Variants in VWC2L observed in about 807,000 individuals in gnomAD.
VWC2L encodes von Willebrand factor C domain containing 2 like, also known as von Willebrand factor C domain-containing protein 2-like.
A neutral mutation model predicts 21.6 loss-of-function variants in VWC2L; 10 were observed. That is an observed-to-expected ratio of 0.46 (90% CI 0.29 to 0.78). The LOEUF (loss-of-function observed/expected upper bound fraction) is 0.78, where lower values mean the gene tolerates loss of function less well. VWC2L is among the 30% of genes least tolerant of loss of function. VWC2L has a pLI of 0.10. For synonymous variants in VWC2L, 96 were observed against 94.3 expected (o/e 1.02, Z -0.10); for missense variants, 209 against 277.1 (o/e 0.75, Z 1.74).
chr2:214,419,369 C>G (rs941576354), intron 2 of VWC2L, among the ~76,000 whole-genome samples: 21 of 152,130 alleles, frequency 1.4e-4, no homozygotes, highest in African/African-American at 5.1e-4. Flanking sequence ...GCTTAACTAT[C>G]TTAATGCTGA....
intron 2 of VWC2L, among the ~76,000 whole-genome samples, chr2:214,418,221 C>T (rs79706791): frequency 0.054 from 8,185 of 152,236 alleles, 671 homozygotes; most frequent in African/African-American, 0.18. Flanking sequence ...ACCATCACTA[C>T]AAGAACAGTA....
intron 1 of VWC2L, among the ~76,000 whole-genome samples, chr2:214,412,229 G>A (rs1382584171): frequency 6.6e-6 from 1 of 152,018 alleles, no homozygotes; most frequent in Non-Finnish European, 1.5e-5. Context: ...GGCTTACAAA[G>A]AGATCATTTT....
chr2:214,412,457 T>C (rs756723331), intron 1 of VWC2L, among the ~76,000 whole-genome samples: 5 of 152,248 alleles, frequency 3.3e-5, no homozygotes, highest in Middle Eastern at 3.4e-3. Context: ...ATCTCTGTAG[T>C]AATTTGAGAG....
chr2:214,434,261 T>A (rs866064546), intron 2 of VWC2L, among the ~76,000 whole-genome samples: 1 of 152,206 alleles, frequency 6.6e-6, no homozygotes, highest in Non-Finnish European at 1.5e-5. Context: ...TGGATTATTA[T>A]CTGTTAACAC....
At position 214,471,376 on chromosome 2, in the gene VWC2L, G is replaced by A. The variant is rs1198545382; in HGVS notation, c.520+34618G>A. On this transcript the variant is annotated intron_variant, in intron 3 of 3. Coordinates refer to ENST00000312504, the MANE Select transcript of VWC2L (RefSeq NM_001080500.4). ...TCAATCAATGGACCAAGGCAGAATG[G>A]ATAAAGTACAACTGTTTTATGCACT... Among the ~76,000 whole-genome samples the A allele has an allele frequency of 3.3e-5, 5 of 152,292 alleles. No homozygotes were observed. The East Asian group carries it at 9.6e-4, about 29-fold the overall frequency.
intron 3 of VWC2L, among the ~76,000 whole-genome samples, chr2:214,458,515 A>G (rs981385195): frequency 6.6e-6 from 1 of 151,896 alleles, no homozygotes; most frequent in Non-Finnish European, 1.5e-5. Context: ...CTTAAGGGGC[A>G]TCATTAGGTT....
chr2:214,442,155 C>T (rs1317604826), intron 3 of VWC2L, among the ~76,000 whole-genome samples: 1 of 152,138 alleles, frequency 6.6e-6, no homozygotes, highest in Non-Finnish European at 1.5e-5. Flanking sequence ...TGTGATCCGC[C>T]TGCCTCGGCC....
At chr2:214,421,447 A>G (rs1457352477) in intron 2 of VWC2L, among the ~76,000 whole-genome samples, 1 of 151,352 alleles carries the variant, frequency 6.6e-6, no homozygotes, top group Admixed American at 6.6e-5. Flanking sequence ...TTTCATACTC[A>G]CTTACCAATA....
chr2:214,569,323 A>T (rs1449994150), intron 3 of VWC2L, among the ~76,000 whole-genome samples: 1 of 151,608 alleles, frequency 6.6e-6, no homozygotes, highest in Non-Finnish European at 1.5e-5. Flanking sequence ...TTTCATGGTA[A>T]CACACACACA....
chr2:214,430,205 G>T (rs1702579236), intron 2 of VWC2L, among the ~76,000 whole-genome samples: 1 of 97,512 alleles, frequency 1.0e-5, no homozygotes, highest in Admixed American at 1.1e-4. Flanking sequence ...GCAATTTCAA[G>T]AATGAGCAAA....
intron 3 of VWC2L, among the ~76,000 whole-genome samples, chr2:214,564,762 T>TA (rs1418749639): frequency 6.6e-6 from 1 of 152,188 alleles, no homozygotes; most frequent in African/African-American, 2.4e-5. Flanking sequence ...TGCATGCCAA[T>TA]ATCAGAATTT....
intron 3 of VWC2L, among the ~76,000 whole-genome samples, chr2:214,502,542 C>A (rs1294216764): frequency 6.6e-6 from 1 of 152,014 alleles, no homozygotes; most frequent in African/African-American, 2.4e-5. Context: ...TGCACTCCAG[C>A]CTGGGCAACA....
At chr2:214,559,248 C>A (rs1299789560) in intron 3 of VWC2L, among the ~76,000 whole-genome samples, 3 of 152,142 alleles carry the variant, frequency 2.0e-5, no homozygotes, top group Non-Finnish European at 2.9e-5. Flanking sequence ...TGCTCATCAT[C>A]ACTGGCCATC....
intron 3 of VWC2L, chr2:214,534,234 T>A (rs1443691392): frequency 6.6e-6 from 1 of 152,554 alleles, no homozygotes; most frequent in East Asian, 1.9e-4. Flanking sequence ...CGTTGTCGCA[T>A]CCTAATGCCA....
intron 3 of VWC2L, among the ~76,000 whole-genome samples, chr2:214,442,348 A>T (rs1340185187): frequency 6.6e-6 from 1 of 152,256 alleles, no homozygotes; most frequent in Admixed American, 6.5e-5. Context: ...TCTTTAAAAC[A>T]TTAAATATTT....
chr2:214,472,600 A>G (rs1414788575), intron 3 of VWC2L, among the ~76,000 whole-genome samples: 8 of 152,342 alleles, frequency 5.3e-5, no homozygotes, highest in African/African-American at 1.7e-4. Context: ...AGAAATCTTG[A>G]TACAGAGCAT....
chr2:214,485,660 A>C (rs1688663844), intron 3 of VWC2L, among the ~76,000 whole-genome samples: 1 of 152,164 alleles, frequency 6.6e-6, no homozygotes, highest in African/African-American at 2.4e-5. Context: ...TCCCCTAGGA[A>C]ATATGCTTTC....
chr2:214,448,047 T>G (rs893959737), intron 3 of VWC2L, among the ~76,000 whole-genome samples: 1 of 152,040 alleles, frequency 6.6e-6, no homozygotes, highest in African/African-American at 2.4e-5. Flanking sequence ...GAGCTATGAG[T>G]TAACAACCCA....
intron 3 of VWC2L, among the ~76,000 whole-genome samples, chr2:214,552,972 T>A (rs566266381): frequency 6.6e-6 from 1 of 152,212 alleles, no homozygotes; most frequent in Non-Finnish European, 1.5e-5. Context: ...ATTGAGCACA[T>A]AAGCAAGAAA....
Sources: gnomAD v4.1 joint callset for allele counts (sites outside exome capture counted in the v4.1 genomes callset) on GRCh38, gnomAD v4.1.1 for gene constraint, MANE v1.5 for transcripts, NCBI Gene and HGNC (gene_info 2026-07-23, HGNC 2026-07-21) for gene names.